The following CADM2 variants were observed in gnomAD, a reference collection of about 807,000 sequenced individuals.
CADM2 encodes cell adhesion molecule 2.
Under a neutral mutation model 49.8 loss-of-function variants are expected in CADM2, and 12 were observed. The ratio of observed to expected loss-of-function variants is 0.24; its 90% CI spans 0.15 to 0.39. CADM2 has a LOEUF of 0.39. Ranked by LOEUF, CADM2 falls within the 10% of genes least tolerant of loss-of-function variation. CADM2 has a pLI of 1.00. For missense variants in CADM2, 378 were observed against 492.3 expected (o/e 0.77, Z 2.20); for synonymous variants, 214 against 175.4 (o/e 1.22, Z -1.74).
At position 84,960,953 on chromosome 3, in the gene CADM2, A is replaced by AT. The variant is rs1425367733; in HGVS notation, c.61+1286dup. On this transcript the variant is annotated intron_variant, in intron 1 of 9. Coordinates refer to ENST00000383699, the MANE Select transcript of CADM2 (RefSeq NM_001167675.2). Reference sequence around the variant, plus strand: ...TATAGGGATGTGGCTTGAGTGTGAGATATAGCAAGGATGGATGTGAAATGA... The same window carrying AT: ...TATAGGGATGTGGCTTGAGTGTGAGATTATAGCAAGGATGGATGTGAAATGA... Among the ~76,000 whole-genome samples the AT allele has an allele frequency of 2.0e-5, 3 of 152,202 alleles. No individual in the cohort carries two copies. In the East Asian group the frequency reaches 5.8e-4, roughly 29 times the overall value.
intron 1 of CADM2, among the ~76,000 whole-genome samples, chr3:85,121,319 A>T (rs1191653207): frequency 6.6e-6 from 1 of 152,222 alleles, no homozygotes; most frequent in Non-Finnish European, 1.5e-5. Context: ...TGAAAAGTTA[A>T]AAGAGTATTT....
In CADM2 at chr3:85,660,797, A is replaced by C. The variant is rs2107608909; in HGVS notation, c.62-65725A>C. On this transcript the variant is annotated intron_variant, in intron 1 of 9. Transcript: ENST00000383699. ...ATAGACTTTGACACAGAATAAGCTC[A>C]GATATTTCCAAAGGGAAAACTGACC... 1.3e-5 allele frequency among the ~76,000 whole-genome samples: 2 copies of C among 152,176 alleles called. 1 individual carries two copies. The highest frequency in any genetic ancestry group is 4.8e-5 in the African/African-American group (2 of 41,566).
intron 2 of CADM2, among the ~76,000 whole-genome samples, chr3:85,746,777 G>A (rs922117152): frequency 6.6e-6 from 1 of 152,000 alleles, no homozygotes; most frequent in Non-Finnish European, 1.5e-5. Context: ...TCCCCAAGCT[G>A]CCCTTCCAAT....
At chr3:85,185,173 C>T (rs1210394700) in intron 1 of CADM2, among the ~76,000 whole-genome samples, 3 of 152,044 alleles carry the variant, frequency 2.0e-5, no homozygotes, top group Admixed American at 2.0e-4. Context: ...AGAAGATGCC[C>T]TATCTTTTTT....
intron 1 of CADM2, among the ~76,000 whole-genome samples, chr3:85,227,185 T>G (rs1282952416): frequency 6.6e-6 from 1 of 152,084 alleles, no homozygotes; most frequent in African/African-American, 2.4e-5. Flanking sequence ...TCCCTGTTAC[T>G]TTTCTGTCTC....
chr3:85,094,848 C>T lies in CADM2; in HGVS notation c.61+135180C>T, dbSNP rs115724616. On this transcript the variant is annotated intron_variant, in intron 1 of 9. Coordinates refer to ENST00000383699, the MANE Select transcript of CADM2 (RefSeq NM_001167675.2). ...TTATCAAATGCACTATCCAGAAGAG[C>T]TGGCTCTTCACTTTTTTTTTTAAAT... Among the ~76,000 whole-genome samples the T allele has an allele frequency of 6.4e-3, 980 of 152,162 alleles. 12 individuals carry two copies. The highest frequency in any genetic ancestry group is 0.021 in the African/African-American group (888 of 41,516).
At chr3:85,962,241 T>A (rs1271221832) in intron 8 of CADM2, among the ~76,000 whole-genome samples, 3 of 151,980 alleles carry the variant, frequency 2.0e-5, no homozygotes, top group African/African-American at 7.2e-5. Flanking sequence ...ATTCTATAAA[T>A]AAATGTGTTC....
intron 1 of CADM2, among the ~76,000 whole-genome samples, chr3:85,281,633 T>C (rs1003604400): frequency 2.0e-5 from 3 of 152,110 alleles, no homozygotes; most frequent in Non-Finnish European, 4.4e-5. Flanking sequence ...TATAGTGTTT[T>C]GTGTTTTCAA....
intron 1 of CADM2, among the ~76,000 whole-genome samples, chr3:85,334,285 A>T (rs1389774928): frequency 6.6e-6 from 1 of 151,586 alleles, no homozygotes; most frequent in Non-Finnish European, 1.5e-5. Flanking sequence ...ATAGGTATCA[A>T]CAAAAAGCAG....
chr3:86,003,018 T>C (rs948562448), intron 8 of CADM2, among the ~76,000 whole-genome samples: 9 of 152,178 alleles, frequency 5.9e-5, no homozygotes, highest in Admixed American at 5.9e-4. Context: ...GAAAGGAAAT[T>C]CCCCTTCCTC....
Position 85,455,129 on chromosome 3 carries a change from A to C in CADM2, c.62-271393A>C, listed in dbSNP as rs77090706. On this transcript the variant is annotated intron_variant, in intron 1 of 9. Transcript: ENST00000383699. ...GAAATTCCAGTGTATGCTTCCCAAAAAGGAATTTGTTCAAGAGGATAATCT... is the reference window on the plus strand; with the variant it reads ...GAAATTCCAGTGTATGCTTCCCAAACAGGAATTTGTTCAAGAGGATAATCT... Among the ~76,000 whole-genome samples, 3 of 152,346 alleles carry C rather than the reference A, an allele frequency of 2.0e-5. No homozygotes were observed. The East Asian group carries it at 5.8e-4, about 29-fold the overall frequency.
chr3:85,700,228 C>A (rs578143331), intron 1 of CADM2, among the ~76,000 whole-genome samples: 1 of 152,030 alleles, frequency 6.6e-6, no homozygotes, highest in Non-Finnish European at 1.5e-5. Context: ...AGCAAACTAT[C>A]GCAAAAACAA....
chr3:85,157,635 A>G (rs1490628382), intron 1 of CADM2, among the ~76,000 whole-genome samples: 2 of 152,146 alleles, frequency 1.3e-5, no homozygotes, highest in Non-Finnish European at 2.9e-5. Flanking sequence ...CTGGCTAGCC[A>G]TATGTAGAAA....
At chr3:85,480,920 A>G (rs955531170) in intron 1 of CADM2, among the ~76,000 whole-genome samples, 4 of 151,760 alleles carry the variant, frequency 2.6e-5, no homozygotes, top group Non-Finnish European at 5.9e-5. Context: ...TTTCTTAAGA[A>G]TATTTATATG....
intron 5 of CADM2, among the ~76,000 whole-genome samples, chr3:85,908,512 T>G (rs1717114426): frequency 6.6e-6 from 1 of 151,958 alleles, no homozygotes; most frequent in Non-Finnish European, 1.5e-5. Context: ...AGCTAATTTT[T>G]GTTTAGAATT....
intron 1 of CADM2, among the ~76,000 whole-genome samples, chr3:85,178,568 A>T (rs1354484392): frequency 1.3e-5 from 2 of 151,832 alleles, no homozygotes; most frequent in East Asian, 3.9e-4. Context: ...TTGATTCTGG[A>T]GGTACTGAAT....
rs1160735135 is a variant in CADM2 at position 85,027,109 on chromosome 3, C to CTTTTTTTTTTTTTTTTT, written c.61+67448_61+67464dup. Among the ~76,000 whole-genome samples the CTTTTTTTTTTTTTTTTT allele has an allele frequency of 3.6e-4, 20 of 55,688 alleles. 3 individuals are homozygous for CTTTTTTTTTTTTTTTTT. Among genetic ancestry groups the CTTTTTTTTTTTTTTTTT allele is most frequent in the African/African-American group, 7.8e-4 (8 of 10,268 alleles). 36.5% of individuals were successfully genotyped at this position (55,688 alleles called of 152,430 possible). A position where few individuals can be genotyped will look rare whatever the true frequency, so the allele number is the denominator to read the frequency against. On this transcript the variant is annotated intron_variant, in intron 1 of 9. Transcript: ENST00000383699. ...TGGTTGTTGTTGCTTTTTCTTTTTC[C>CTTTTTTTTTTTTTTTTT]TTTTTTTTTTTTTTTTTTTTTTTAA... is the stretch of plus-strand genomic sequence containing the variant.
intron 1 of CADM2, among the ~76,000 whole-genome samples, chr3:85,439,437 G>A (rs1207839977): frequency 6.6e-6 from 1 of 152,102 alleles, no homozygotes; most frequent in East Asian, 1.9e-4. Flanking sequence ...ACAGGTGTAA[G>A]CCACTGTGCC....
intron 1 of CADM2, among the ~76,000 whole-genome samples, chr3:84,992,857 G>A (rs1245565519): frequency 6.6e-6 from 1 of 152,100 alleles, no homozygotes; most frequent in Non-Finnish European, 1.5e-5. Flanking sequence ...TGATAACAGG[G>A]AGAATATGAG....
Sources: gnomAD v4.1 joint callset for allele counts (sites outside exome capture counted in the v4.1 genomes callset) on GRCh38, gnomAD v4.1.1 for gene constraint, MANE v1.5 for transcripts, NCBI Gene and HGNC (gene_info 2026-07-23, HGNC 2026-07-21) for gene names.